GRIN2A: variants seen among roughly 807,000 people sequenced by gnomAD.
GRIN2A encodes glutamate ionotropic receptor NMDA type subunit 2A, also known as glutamate receptor ionotropic, NMDA 2A.
A neutral mutation model predicts 113.4 loss-of-function variants in GRIN2A; 22 were observed. The observed-to-expected ratio is 0.19, with a 90% CI of 0.14 to 0.28. GRIN2A has a LOEUF of 0.28. GRIN2A is among the 10% of genes least tolerant of loss of function. The pLI is 1.00. For missense variants in GRIN2A, 1,502 were observed against 1,887.0 expected, an observed-to-expected ratio of 0.80 and a Z score of 3.78; for synonymous variants, 827 against 738.4, an observed-to-expected ratio of 1.12 and a Z score of -1.94.
At chr16:10,020,968 C>T (rs1210699564) in intron 2 of GRIN2A, among the ~76,000 whole-genome samples, 1 of 152,148 alleles carries the variant, frequency 6.6e-6, no homozygotes, top group Non-Finnish European at 1.5e-5. Context: ...CACCACTTCC[C>T]CAAACTTCTC....
At chr16:9,958,446 G>T (rs2045354647) in intron 2 of GRIN2A, among the ~76,000 whole-genome samples, 1 of 151,904 alleles carries the variant, frequency 6.6e-6, no homozygotes, top group African/African-American at 2.4e-5. Context: ...ACACACACAG[G>T]TTCAACCCCA....
intron 2 of GRIN2A, among the ~76,000 whole-genome samples, chr16:9,992,547 C>G (rs573098973): frequency 6.6e-6 from 1 of 152,204 alleles, no homozygotes; most frequent in Non-Finnish European, 1.5e-5. Context: ...TAACCCGCCT[C>G]GTTTTAGCTC....
At chr16:10,145,937 T>G (rs1097734) in intron 2 of GRIN2A, among the ~76,000 whole-genome samples, 90,225 of 152,074 alleles carry the variant, frequency 0.59, 27,402 homozygotes, top group East Asian at 0.92. Flanking sequence ...AAGACTGAAA[T>G]AAGAACAGCA....
At position 10,180,381 on chromosome 16, in the gene GRIN2A, C is replaced by G. The variant is rs769657047; in HGVS notation, c.31G>C (p.Val11Leu). ...CGCCAGACCAGAAGGGCCGGCAGCA[C>G]CAGCAGGGTCCAATAGCCCACTCTG... The part of the protein sequence containing the change: MGRVGYWTLL[V>L]LPALLVWRGP... The change falls in exon 2 of 13, where the codon GTG (valine) becomes CTG (leucine). Residue 11 changes from valine (V) to leucine (L), a missense_variant. Coordinates refer to ENST00000330684, the MANE Select transcript of GRIN2A (RefSeq NM_001134407.3). The surrounding 1 kb of genome is among the most constrained non-coding windows in gnomAD (Gnocchi z 7.0). 3.1e-6 allele frequency: 5 copies of G among 1,607,422 alleles called. No homozygotes were observed. In the Admixed American group the frequency reaches 5.0e-5, roughly 16 times the overall value.
At position 10,019,626 on chromosome 16, in the gene GRIN2A, G is replaced by C. The variant is rs571396965; in HGVS notation, c.415-81075C>G. Among the ~76,000 whole-genome samples the C allele has an allele frequency of 2.0e-4, 31 of 152,262 alleles. No individual in the cohort carries two copies. The South Asian group carries it at 6.4e-3, about 32-fold the overall frequency. On this transcript the variant is annotated intron_variant, in intron 2 of 12. Transcript: ENST00000330684. ...CAAGTAGATTAAATCAACCCTGCCG[G>C]GTACCCCCAATGCCTCTTTACTACT... is the stretch of plus-strand genomic sequence containing the variant.
At chr16:9,831,046 T>C (rs1042741821) in intron 8 of GRIN2A, among the ~76,000 whole-genome samples, 5 of 152,204 alleles carry the variant, frequency 3.3e-5, no homozygotes, top group African/African-American at 4.8e-5. Flanking sequence ...CTGGGCCATA[T>C]AACTTTTCCC....
At position 10,180,052 on chromosome 16, in the gene GRIN2A, G is replaced by A. The variant is rs761297862; in HGVS notation, c.360C>T (p.Thr120=). ...AQMLDFISSH[T]FVPILGIHGG... is the part of the protein sequence containing the mutation. ...CATGAATGCCCAAGATGGGGACGAAGGTGTGGGAGGAGATAAAATCCAGCA... is the reference window on the plus strand; with the variant it reads ...CATGAATGCCCAAGATGGGGACGAAAGTGTGGGAGGAGATAAAATCCAGCA... Residue 120 remains threonine, a synonymous_variant, in exon 2 of 13, where the codon ACC becomes ACT. Transcript: ENST00000330684. The surrounding 1 kb of genome is among the most constrained non-coding windows in gnomAD (Gnocchi z 7.0). The A allele has an allele frequency of 3.1e-6, 5 of 1,614,100 alleles. No homozygotes were observed. Among genetic ancestry groups the A allele is most frequent in the Non-Finnish European group, 4.2e-6 (5 of 1,179,926 alleles).
At chr16:10,045,395 T>C (rs887074635) in intron 2 of GRIN2A, among the ~76,000 whole-genome samples, 21 of 143,476 alleles carry the variant, frequency 1.5e-4, no homozygotes, top group African/African-American at 5.2e-4. Flanking sequence ...GCAGGCTCTC[T>C]CTCAGGCCTC....
intron 2 of GRIN2A, among the ~76,000 whole-genome samples, chr16:10,124,063 T>A (rs1258275365): frequency 6.6e-6 from 1 of 152,074 alleles, no homozygotes; most frequent in African/African-American, 2.4e-5. Context: ...CAGAGACAGA[T>A]GAAGTGAAAT....
chr16:10,089,343 C>T (rs1195596581), intron 2 of GRIN2A, among the ~76,000 whole-genome samples: 1 of 152,132 alleles, frequency 6.6e-6, no homozygotes, highest in Non-Finnish European at 1.5e-5. Flanking sequence ...TGTCTAGATT[C>T]ATTGAAACGT....
At chr16:10,111,152 A>G (rs1294481008) in intron 2 of GRIN2A, among the ~76,000 whole-genome samples, 1 of 152,258 alleles carries the variant, frequency 6.6e-6, no homozygotes, top group Admixed American at 6.5e-5. Context: ...TACTGAGAAA[A>G]TAACAGTAAA....
chr16:10,160,494 C>T (rs2049788833), intron 2 of GRIN2A, among the ~76,000 whole-genome samples: 1 of 152,178 alleles, frequency 6.6e-6, no homozygotes, highest in African/African-American at 2.4e-5. Context: ...CATGACAACA[C>T]ATTCTAAGTA....
chr16:9,865,916 C>T (rs1482515939), intron 4 of GRIN2A, among the ~76,000 whole-genome samples: 2 of 152,050 alleles, frequency 1.3e-5, no homozygotes, highest in Non-Finnish European at 2.9e-5. Context: ...TGTGAGTGTC[C>T]CTAAATAAAG....
rs377645088 is a variant in GRIN2A at position 9,786,273 on chromosome 16, C to G, written c.2356+12004G>C. Among the ~76,000 whole-genome samples the G allele has an allele frequency of 8.5e-4, 129 of 152,280 alleles. 1 individual carries two copies. Among genetic ancestry groups the G allele is most frequent in the African/African-American group, 3.0e-3 (124 of 41,570 alleles). On this transcript the variant is annotated intron_variant, in intron 11 of 12. Transcript: ENST00000330684. ...TGTATCGAGGCCAAACATCTGACTTCTCTTAATTACATTCTGTCCTTGTTT... is the reference window on the plus strand; with the variant it reads ...TGTATCGAGGCCAAACATCTGACTTGTCTTAATTACATTCTGTCCTTGTTT...
chr16:10,047,349 A>G (rs929178897), intron 2 of GRIN2A, among the ~76,000 whole-genome samples: 4 of 152,154 alleles, frequency 2.6e-5, no homozygotes, highest in African/African-American at 9.7e-5. Context: ...GATAAAGTCT[A>G]CCTCTCTAGA....
intron 4 of GRIN2A, among the ~76,000 whole-genome samples, chr16:9,855,306 G>C (rs1004936): frequency 0.29 from 44,489 of 152,070 alleles, 6,822 homozygotes; most frequent in African/African-American, 0.36. Context: ...GCTGTTATGA[G>C]GCTTACTTAT....
chr16:9,874,223 C>T (rs2043321341), intron 4 of GRIN2A, among the ~76,000 whole-genome samples: 1 of 152,118 alleles, frequency 6.6e-6, no homozygotes, highest in South Asian at 2.1e-4. Flanking sequence ...AATATGATTT[C>T]GATGAGTTTT....
intron 2 of GRIN2A, among the ~76,000 whole-genome samples, chr16:10,158,570 A>G (rs1004967905): frequency 2.0e-5 from 3 of 152,270 alleles, no homozygotes; most frequent in African/African-American, 7.2e-5. Flanking sequence ...TATCCATACA[A>G]TGGAATATTA....
chr16:10,104,113 AG>A (rs1304222542), intron 2 of GRIN2A, among the ~76,000 whole-genome samples: 2 of 152,224 alleles, frequency 1.3e-5, no homozygotes, highest in Non-Finnish European at 2.9e-5. Flanking sequence ...GCAGAGGCAA[AG>A]GGTTGTTATT....
Sources: allele counts gnomAD v4.1 joint callset (sites outside exome capture counted in the v4.1 genomes callset), GRCh38; gene constraint gnomAD v4.1.1; non-coding constraint Gnocchi (gnomAD v3.1); transcripts MANE v1.5; gene names NCBI Gene and HGNC (gene_info 2026-07-23, HGNC 2026-07-21).